NUDT14: variants seen among roughly 807,000 people sequenced by gnomAD.
NUDT14 encodes the protein nudix hydrolase 14, also known as uridine diphosphate glucose pyrophosphatase NUDT14.
In NUDT14, 22 loss-of-function variants were observed where a neutral mutation model predicts 17.5. The ratio of observed to expected loss-of-function variants is 1.26; its 90% CI spans 0.90 to 1.80. The LOEUF (loss-of-function observed/expected upper bound fraction) is 1.80, where lower values mean the gene tolerates loss of function less well. NUDT14 is among the 40% of genes most tolerant of loss of function. NUDT14 has a pLI of 0.00. For missense variants in NUDT14, 296 were observed against 295.6 expected, an observed-to-expected ratio of 1.00 and a Z score of -0.01; for synonymous variants, 129 against 125.8, an observed-to-expected ratio of 1.03 and a Z score of -0.17.
At chr14:105,178,911 GC>G (rs1342594172) in intron 1 of NUDT14, among the ~76,000 whole-genome samples, 5 of 152,152 alleles carry the variant, frequency 3.3e-5, no homozygotes, top group African/African-American at 1.2e-4. Flanking sequence ...GGGAGGGCCG[GC>G]GTCCCGCGCA....
chr14:105,177,036 G>A lies in NUDT14; in HGVS notation c.126-9C>T, dbSNP rs201997048. On this transcript the variant is annotated splice_polypyrimidine_tract_variant and intron_variant, in intron 2 of 4. Coordinates refer to ENST00000392568, the MANE Select transcript of NUDT14 (RefSeq NM_177533.5). ...ATAAGAGAACGGTCACGCTGTGTAC[G>A]GGGGGAGGGGCTCAGCACAGAAGCA... is the stretch of plus-strand genomic sequence containing the variant. 2.8e-5 allele frequency: 45 copies of A among 1,609,852 alleles called. No homozygotes were observed. The highest frequency in any genetic ancestry group is 5.3e-5 in the African/African-American group (4 of 74,960).
At chr14:105,177,629 C>T (rs1189464821) in intron 2 of NUDT14, 63 bp downstream of exon 2, 9 of 1,512,026 alleles carry the variant, frequency 6.0e-6, no homozygotes, top group Non-Finnish European at 8.2e-6. Flanking sequence ...CGCCCTGGGC[C>T]CAGTGTCCCC....
chr14:105,173,572 G>C lies in NUDT14; in HGVS notation c.429-311C>G, dbSNP rs759433798. 2.7e-5 allele frequency: 7 copies of C among 259,952 alleles called. No homozygotes were observed. Among genetic ancestry groups the C allele is most frequent in the Admixed American group, 5.4e-5 (1 of 18,438 alleles). 16.1% of individuals were successfully genotyped at this position (259,952 alleles called of 1,614,324 possible). A position where few individuals can be genotyped will look rare whatever the true frequency, so the allele number is the denominator to read the frequency against. On this transcript the variant is annotated intron_variant, in intron 4 of 4. Transcript: ENST00000392568. The surrounding 1 kb of genome is among the most constrained non-coding windows in gnomAD (Gnocchi z 4.7). ...AGAGCATCCTAGGCGGGCATGGCCC[G>C]ATCACGAAGCCCTCCAGAGGGTGTT... is the stretch of plus-strand genomic sequence containing the variant.
At position 105,176,691 on chromosome 14, in the gene NUDT14, G is replaced by A; in HGVS notation, c.271C>T (p.Pro91Ser). ...VDQDGPRELQ[P>S]ALPGSAGVTV... is the part of the protein sequence containing the mutation. Reference sequence around the variant, plus strand: ...ACCCCCGCTGAGCCGGGCAGGGCTGGCTGTAGCTCCCGAGGCCCGTCCTGG... The same window carrying A: ...ACCCCCGCTGAGCCGGGCAGGGCTGACTGTAGCTCCCGAGGCCCGTCCTGG... Residue 91 changes from proline (P) to serine (S), a missense_variant, in exon 4 of 5, where the codon CCA becomes TCA. Physicochemically the swap from Pro to Ser is moderately conservative, Grantham distance 74. Coordinates refer to ENST00000392568, the MANE Select transcript of NUDT14 (RefSeq NM_177533.5). 2.5e-6 allele frequency: 4 copies of A among 1,612,764 alleles called. No homozygotes were observed. Among genetic ancestry groups the A allele is most frequent in the Non-Finnish European group, 3.4e-6 (4 of 1,179,982 alleles).
At chr14:105,174,705 G>C (rs1318066407) in intron 4 of NUDT14, among the ~76,000 whole-genome samples, 1 of 152,134 alleles carries the variant, frequency 6.6e-6, no homozygotes, top group African/African-American at 2.4e-5. Context: ...GCCGGCTTGT[G>C]AAGGAGACAG....
At chr14:105,176,923 G>T in intron 3 of NUDT14, 40 bp downstream of exon 3, 3 of 1,599,268 alleles carry the variant, frequency 1.9e-6, no homozygotes, top group Non-Finnish European at 2.6e-6. Flanking sequence ...GGACCTGAAG[G>T]TGACCCTGCA....
At chr14:105,180,818 G>A (rs1009503947) in intron 1 of NUDT14, among the ~76,000 whole-genome samples, 2 of 152,154 alleles carry the variant, frequency 1.3e-5, no homozygotes, top group South Asian at 2.1e-4. Flanking sequence ...GATCCCCAGG[G>A]CAACCAAGGA....
chr14:105,172,986 G>A lies in NUDT14; in HGVS notation c.*35C>T, dbSNP rs1442234839. On this transcript the variant is annotated 3_prime_UTR_variant, in exon 5 of 5. Coordinates refer to ENST00000392568, the MANE Select transcript of NUDT14 (RefSeq NM_177533.5). ...GGGGTCCGCGGGGTGTGGGGTGAGTGGCCAAGACTGGCCTCTGTCTAGAAC... is the reference window on the plus strand; with the variant it reads ...GGGGTCCGCGGGGTGTGGGGTGAGTAGCCAAGACTGGCCTCTGTCTAGAAC... 1.4e-6 allele frequency: 2 copies of A among 1,471,350 alleles called. No homozygotes were observed. Among genetic ancestry groups the A allele is most frequent in the Non-Finnish European group, 1.8e-6 (2 of 1,111,908 alleles). 91.1% of individuals were successfully genotyped at this position (1,471,350 alleles called of 1,614,324 possible). A position where few individuals can be genotyped will look rare whatever the true frequency, so the allele number is the denominator to read the frequency against.
At chr14:105,180,980 C>T (rs1372026411) in intron 1 of NUDT14, 149 bp downstream of exon 1, 2 of 204,380 alleles carry the variant, frequency 9.8e-6, no homozygotes, top group Non-Finnish European at 1.8e-5. Context: ...CGCGATCCGG[C>T]GGGCGGACAA....
rs116285474 is a variant in NUDT14 at position 105,173,019 on chromosome 14, T to C, written c.*2A>G. The C allele has an allele frequency of 6.9e-4, 1,039 of 1,503,416 alleles. 8 individuals carry two copies. In the African/African-American group the frequency reaches 0.013, roughly 19 times the overall value. The allele number at this position is 1,503,416 out of a possible 1,614,324, so 93.1% of individuals were successfully genotyped here. ...CTGGCCTCTGTCTAGAACCCTGGAG[T>C]CTCACTGGAGATCCAGGTTGGGGGC... On this transcript the variant is annotated 3_prime_UTR_variant, in exon 5 of 5. Coordinates refer to ENST00000392568, the MANE Select transcript of NUDT14 (RefSeq NM_177533.5). This position sits in a 1 kb window ranked among gnomAD's most constrained non-coding sequence, Gnocchi z 4.7.
At chr14:105,178,703 T>C (rs1335428232) in intron 1 of NUDT14, among the ~76,000 whole-genome samples, 1 of 152,090 alleles carries the variant, frequency 6.6e-6, no homozygotes, top group East Asian at 1.9e-4. Flanking sequence ...GGCTGTGAAA[T>C]GGACAAGAGG....
chr14:105,178,085 G>A (rs1595201074), intron 1 of NUDT14, among the ~76,000 whole-genome samples: 1 of 152,142 alleles, frequency 6.6e-6, no homozygotes, highest in Non-Finnish European at 1.5e-5. Flanking sequence ...TGGAGGCTCG[G>A]GGAGGGCAGG....
In NUDT14 at chr14:105,181,282, A is replaced by G; in HGVS notation, c.-73T>C. On this transcript the variant is annotated 5_prime_UTR_variant, in exon 1 of 5. Coordinates refer to ENST00000392568, the MANE Select transcript of NUDT14 (RefSeq NM_177533.5). The surrounding 1 kb of genome is among the most constrained non-coding windows in gnomAD (Gnocchi z 5.0). ...CGGGGCGGCGCCCTGTCCCGACAGG[A>G]GCCTTCGGGCGGGCGCGTGACCGCG... 1 of 615,514 alleles carries G rather than the reference A, an allele frequency of 1.6e-6. No individual in the cohort carries two copies. Among genetic ancestry groups the G allele is most frequent in the Non-Finnish European group, 2.1e-6 (1 of 476,312 alleles). 38.1% of individuals were successfully genotyped at this position (615,514 alleles called of 1,614,324 possible). A position where few individuals can be genotyped will look rare whatever the true frequency, so the allele number is the denominator to read the frequency against.
At chr14:105,176,798 T>C (rs1889224006) in intron 3 of NUDT14, 27 bp from the exon 4 acceptor site, 1 of 1,604,848 alleles carries the variant, frequency 6.2e-7, no homozygotes, top group Non-Finnish European at 8.5e-7. Flanking sequence ...CAGACTGTGC[T>C]CACAGCCACG....
chr14:105,173,593 G>A lies in NUDT14; in HGVS notation c.429-332C>T. 2 of 220,372 alleles carry A rather than the reference G, an allele frequency of 9.1e-6. No homozygotes were observed. The highest frequency in any genetic ancestry group is 8.9e-6 in the Non-Finnish European group (1 of 112,282). The allele number at this position is 220,372 out of a possible 1,614,324, so 13.7% of individuals were successfully genotyped here. On this transcript the variant is annotated intron_variant, in intron 4 of 4. Transcript: ENST00000392568. This position sits in a 1 kb window ranked among gnomAD's most constrained non-coding sequence, Gnocchi z 4.7. ...GCCCGATCACGAAGCCCTCCAGAGGGTGTTTCAACGCCAGAAAGGGAGAAA... is the reference window on the plus strand; with the variant it reads ...GCCCGATCACGAAGCCCTCCAGAGGATGTTTCAACGCCAGAAAGGGAGAAA...
intron 1 of NUDT14, among the ~76,000 whole-genome samples, chr14:105,180,550 C>T (rs1889304724): frequency 6.6e-6 from 1 of 152,136 alleles, no homozygotes; most frequent in African/African-American, 2.4e-5. Context: ...TGTGCCGTGG[C>T]CTGGCATGGG....
At chr14:105,177,642 A>T in intron 2 of NUDT14, 50 bp downstream of exon 2, 1 of 1,578,680 alleles carries the variant, frequency 6.3e-7, no homozygotes. Flanking sequence ...GTGTCCCCGT[A>T]GACATCAGTC....
At chr14:105,175,328 A>C (rs1156287454) in intron 4 of NUDT14, among the ~76,000 whole-genome samples, 5 of 152,244 alleles carry the variant, frequency 3.3e-5, no homozygotes, top group Non-Finnish European at 5.9e-5. Context: ...CACCTGCAGA[A>C]AACCAAGGCC....
intron 4 of NUDT14, among the ~76,000 whole-genome samples, chr14:105,174,995 A>G (rs1016418039): frequency 6.6e-5 from 10 of 152,144 alleles, no homozygotes; most frequent in Admixed American, 5.2e-4. Flanking sequence ...CAGCATCTCC[A>G]GTCCTGCATC....
Sources: gnomAD v4.1 joint callset for allele counts (sites outside exome capture counted in the v4.1 genomes callset) on GRCh38, gnomAD v4.1.1 for gene constraint, Gnocchi (gnomAD v3.1) non-coding constraint, MANE v1.5 for transcripts, NCBI Gene and HGNC (gene_info 2026-07-23, HGNC 2026-07-21) for gene names.